TCF20: variants seen among roughly 807,000 people sequenced by gnomAD.
TCF20 encodes the protein transcription factor 20.
A neutral mutation model predicts 148.6 loss-of-function variants in TCF20; 3 were observed. The ratio of observed to expected loss-of-function variants is 0.02; its 90% CI spans 0.01 to 0.05. The LOEUF is 0.05. TCF20 is among the 10% of genes least tolerant of loss of function. The pLI is 1.00. For missense variants in TCF20, 2,350 were observed against 2,429.3 expected (o/e 0.97, Z 0.69); for synonymous variants, 1,049 against 909.5 (o/e 1.15, Z -2.76).
At chr22:42,308,854 C>T (rs80261951) in intron 1 of TCF20, among the ~76,000 whole-genome samples, 2,043 of 152,240 alleles carry the variant, frequency 0.013, 42 homozygotes, top group African/African-American at 0.046. Flanking sequence ...CATGCTATTA[C>T]TTAATATCTC....
At position 42,297,315 on chromosome 22, in the gene TCF20, G is replaced by A. The variant is rs1927254239; in HGVS notation, c.-37+46164C>T. ...TGTCCCCTGCCAGGCCTGAGCAGAG[G>A]TCAGACTCCCTAGCTGGCTTAAGGG... On this transcript the variant is annotated intron_variant, in intron 1 of 1. Transcript: ENST00000515426. This position sits in a 1 kb window ranked among gnomAD's most constrained non-coding sequence, Gnocchi z 4.3. Among the ~76,000 whole-genome samples, 1 of 152,266 alleles carries A rather than the reference G, an allele frequency of 6.6e-6. No homozygotes were observed. Among genetic ancestry groups the A allele is most frequent in the Admixed American group, 6.5e-5 (1 of 15,290 alleles).
intron 1 of TCF20, among the ~76,000 whole-genome samples, chr22:42,283,762 G>A (rs1314013432): frequency 6.6e-6 from 1 of 151,714 alleles, no homozygotes; most frequent in South Asian, 2.1e-4. Context: ...AGCACCCGGC[G>A]GGCACGCCTC....
intron 1 of TCF20, among the ~76,000 whole-genome samples, chr22:42,235,201 G>A (rs1338772774): frequency 4.0e-5 from 6 of 151,834 alleles, no homozygotes; most frequent in Admixed American, 3.9e-4. Flanking sequence ...ATTTTAGGGT[G>A]CAAGCCATAA....
chr22:42,310,263 A>G (rs982284478), intron 1 of TCF20, among the ~76,000 whole-genome samples: 1 of 152,204 alleles, frequency 6.6e-6, no homozygotes, highest in African/African-American at 2.4e-5. Context: ...AATGACAATC[A>G]TATGTTGGCA....
chr22:42,258,385 G>C (rs913453844), intron 1 of TCF20, among the ~76,000 whole-genome samples: 1 of 152,078 alleles, frequency 6.6e-6, no homozygotes, highest in Admixed American at 6.6e-5. Context: ...TCTCCTGTGG[G>C]AGAAGGATAT....
intron 1 of TCF20, among the ~76,000 whole-genome samples, chr22:42,337,256 C>T (rs567302174): frequency 5.3e-5 from 8 of 152,190 alleles, no homozygotes; most frequent in Admixed American, 4.6e-4. Flanking sequence ...CCACTCCTCT[C>T]CCCCTTATCC....
intron 2 of TCF20, among the ~76,000 whole-genome samples, chr22:42,205,259 T>C (rs756397268): frequency 5.6e-5 from 8 of 142,888 alleles, no homozygotes; most frequent in South Asian, 4.5e-4. Context: ...CTGAAATGAA[T>C]AGATTCACAA....
chr22:42,238,681 A>T (rs1324905164), intron 1 of TCF20, among the ~76,000 whole-genome samples: 5 of 152,212 alleles, frequency 3.3e-5, no homozygotes, highest in Admixed American at 3.3e-4. Context: ...GTTGTGTCTG[A>T]GGTAACAGAG....
chr22:42,265,090 T>A (rs1489358374), intron 1 of TCF20, among the ~76,000 whole-genome samples: 1 of 152,240 alleles, frequency 6.6e-6, no homozygotes, highest in Non-Finnish European at 1.5e-5. Context: ...ATAGTTCATC[T>A]TCCTGCTGGG....
intron 1 of TCF20, among the ~76,000 whole-genome samples, chr22:42,265,563 G>A (rs1214290959): frequency 6.6e-6 from 1 of 152,042 alleles, no homozygotes; most frequent in Non-Finnish European, 1.5e-5. Flanking sequence ...TTACTTCAAT[G>A]GTTTTATTGT....
intron 1 of TCF20, among the ~76,000 whole-genome samples, chr22:42,294,729 C>T (rs1042350445): frequency 5.9e-5 from 9 of 152,232 alleles, no homozygotes; most frequent in African/African-American, 2.2e-4. Context: ...TGTCCCAACT[C>T]TGTAGATGAG....
rs2147202508 is a variant in TCF20 at position 42,211,345 on chromosome 22, G to A, written c.3961C>T (p.Pro1321Ser). The change falls in exon 2 of 6, where the codon CCA becomes TCA. Residue 1321 changes from proline to serine, a missense_variant. Transcript: ENST00000677622. ...GGGCAGTTTCTACTATCTGGACTTG[G>A]AAGGTCCTTGGAGGAATCTCTCTTA... is the stretch of plus-strand genomic sequence containing the variant. ...IPKRDSSKDL[P>S]SPDSRNCPAV... 1.2e-6 allele frequency: 2 copies of A among 1,614,198 alleles called. No individual in the cohort carries two copies. Among genetic ancestry groups the A allele is most frequent in the South Asian group, 2.2e-5 (2 of 91,076 alleles).
At chr22:42,260,978 T>C (rs146285303) in intron 1 of TCF20, among the ~76,000 whole-genome samples, 111 of 152,326 alleles carry the variant, frequency 7.3e-4, no homozygotes, top group African/African-American at 2.6e-3. Flanking sequence ...TAACCATTTC[T>C]ATACTCTAAA....
chr22:42,225,017 T>G (rs1922740806), intron 1 of TCF20, among the ~76,000 whole-genome samples: 1 of 148,632 alleles, frequency 6.7e-6, no homozygotes. Context: ...TTTTTTTTTT[T>G]GAGACAGAGT....
chr22:42,283,927 G>T (rs1926971186), exon 1 of TCF20, among the ~76,000 whole-genome samples: 1 of 152,262 alleles, frequency 6.6e-6, no homozygotes, highest in Non-Finnish European at 1.5e-5. Flanking sequence ...GGGGGAGGAG[G>T]GGAAAGGGAA....
At chr22:42,177,699 C>A (rs912673415) in intron 3 of TCF20, among the ~76,000 whole-genome samples, 5 of 152,190 alleles carry the variant, frequency 3.3e-5, no homozygotes, top group African/African-American at 1.2e-4. Flanking sequence ...ATGTATACAA[C>A]GTACTGTGAT....
At chr22:42,268,936 T>C (rs1244561672) in intron 1 of TCF20, among the ~76,000 whole-genome samples, 1 of 152,212 alleles carries the variant, frequency 6.6e-6, no homozygotes, top group East Asian at 1.9e-4. Flanking sequence ...AAAAGTTGCC[T>C]ATGGCTAAAA....
chr22:42,195,164 T>C (rs1937527779), intron 2 of TCF20, among the ~76,000 whole-genome samples: 1 of 149,770 alleles, frequency 6.7e-6, no homozygotes, highest in Admixed American at 6.6e-5. Flanking sequence ...TCAGGAGTTG[T>C]GTTTTTCAAC....
Position 42,214,208 on chromosome 22 carries a change from G to A in TCF20, c.1098C>T (p.Pro366=), listed in dbSNP as rs1174318726. ...AGGCAGCTGGAGAAGGGTTAGAAAT[G>A]GGGCTGAAGTTCTGGTGAAACTGCA... is the stretch of plus-strand genomic sequence containing the variant. The part of the protein sequence containing the change: ...SPMQFHQNFS[P]ISNPSPAASV... Residue 366 remains proline (P), a synonymous_variant, in exon 2 of 6, where the codon CCC becomes CCT. Coordinates refer to ENST00000677622, the MANE Select transcript of TCF20 (RefSeq NM_001378418.1). 2 of 1,614,118 alleles carry A rather than the reference G, an allele frequency of 1.2e-6. No individual in the cohort carries two copies. The highest frequency in any genetic ancestry group is 1.7e-6 in the Non-Finnish European group (2 of 1,180,048).
Sources: gnomAD v4.1 joint callset for allele counts (sites outside exome capture counted in the v4.1 genomes callset) on GRCh38, gnomAD v4.1.1 for gene constraint, Gnocchi (gnomAD v3.1) non-coding constraint, MANE v1.5 for transcripts, NCBI Gene and HGNC (gene_info 2026-07-23, HGNC 2026-07-21) for gene names.